ERLIN1: variants seen among roughly 807,000 people sequenced by gnomAD.
ERLIN1 encodes the protein ER lipid raft associated 1.
A neutral mutation model predicts 46.9 loss-of-function variants in ERLIN1; 24 were observed. That is an observed-to-expected ratio of 0.51 (90% CI 0.37 to 0.72). The LOEUF is 0.72. ERLIN1 is among the 30% of genes least tolerant of loss of function. The pLI, the probability that ERLIN1 is intolerant of heterozygous loss-of-function variation, is 0.00. For synonymous variants in ERLIN1, 158 were observed against 143.2 expected (o/e 1.10, Z -0.74); for missense variants, 293 against 417.9 (o/e 0.70, Z 2.61).
Position 100,185,561 on chromosome 10 carries a change from G to C in ERLIN1, c.66C>G (p.Tyr22Ter), listed in dbSNP as rs755701548. The change falls in exon 1 of 11, where the codon TAC becomes TAG. Residue 22 changes from tyrosine to a stop codon, truncating the protein, a stop_gained. Coordinates refer to ENST00000421367, the MANE Select transcript of ERLIN1 (RefSeq NM_006459.4). LOFTEE classifies it high-confidence loss of function. ...CCTCCTCAATCTTGTGGATGGAGGC[G>C]TAGAGCAGGACAGCCACCAACCCCA... ...AVVGLVAVLL[Y>*]ASIHKIEEGH... 1.2e-6 allele frequency: 2 copies of C among 1,613,902 alleles called. No homozygotes were observed.
rs1842810705 is a variant in ERLIN1 at position 100,151,764 on chromosome 10, T to C, written c.*367A>G. ...CTCTTGAATGGTGGCTGAGCATACA[T>C]TTCCCCGGGGGACGAATGTAAACAT... On this transcript the variant is annotated 3_prime_UTR_variant, in exon 11 of 11. Coordinates refer to ENST00000421367, the MANE Select transcript of ERLIN1 (RefSeq NM_006459.4). 6 of 327,292 alleles carry C rather than the reference T, an allele frequency of 1.8e-5. No individual in the cohort carries two copies. The highest frequency in any genetic ancestry group is 1.6e-4 in the South Asian group (6 of 38,168). The allele number at this position is 327,292 out of a possible 1,614,324, so 20.3% of individuals were successfully genotyped here. A position where few individuals can be genotyped will look rare whatever the true frequency, so the allele number is the denominator to read the frequency against.
intron 8 of ERLIN1, among the ~76,000 whole-genome samples, chr10:100,157,996 A>G (rs1843162425): frequency 6.6e-6 from 1 of 152,266 alleles, no homozygotes; most frequent in African/African-American, 2.4e-5. Context: ...GTTGTAAGAA[A>G]GAATGAGAGA....
rs1167453930 is a variant in ERLIN1, at chr10:100,182,905, G to C, written c.195+851C>G. ...CATATGGAAATCAGTCTGATTAGGGGAAGAATACATTTCACTTCAGTAGAC... is the reference window on the plus strand; with the variant it reads ...CATATGGAAATCAGTCTGATTAGGGCAAGAATACATTTCACTTCAGTAGAC... On this transcript the variant is annotated intron_variant, in intron 2 of 10. Coordinates refer to ENST00000421367, the MANE Select transcript of ERLIN1 (RefSeq NM_006459.4). Among the ~76,000 whole-genome samples the C allele has an allele frequency of 1.6e-4, 24 of 152,162 alleles. 1 individual carries two copies. Among genetic ancestry groups the C allele is most frequent in the Non-Finnish European group, 5.9e-5 (4 of 68,014 alleles).
chr10:100,152,952 C>T (rs745571411), intron 10 of ERLIN1, among the ~76,000 whole-genome samples: 1 of 152,058 alleles, frequency 6.6e-6, no homozygotes, highest in Non-Finnish European at 1.5e-5. Flanking sequence ...CTTCTGGGCT[C>T]AAGAGATACT....
intron 2 of ERLIN1, among the ~76,000 whole-genome samples, chr10:100,181,387 T>TATATATATATGGATTTA (rs1844633596): frequency 6.6e-6 from 1 of 152,238 alleles, no homozygotes; most frequent in African/African-American, 2.4e-5. Context: ...ATATGGAATT[T>TATATATATATGGATTTA]CACATTTATA....
chr10:100,181,676 A>G (rs1388865344), intron 2 of ERLIN1, among the ~76,000 whole-genome samples: 1 of 151,980 alleles, frequency 6.6e-6, no homozygotes, highest in African/African-American at 2.4e-5. Context: ...AACCACGCCC[A>G]GCTAATTTTT....
At chr10:100,156,032 C>G in intron 9 of ERLIN1, 113 bp downstream of exon 9, 1 of 652,652 alleles carries the variant, frequency 1.5e-6, no homozygotes, top group Non-Finnish European at 2.8e-6. Context: ...TTCCTCCAGA[C>G]CAGATTATTC....
intron 6 of ERLIN1, among the ~76,000 whole-genome samples, chr10:100,169,944 G>A (rs924039793): frequency 5.3e-5 from 8 of 152,080 alleles, no homozygotes; most frequent in African/African-American, 1.9e-4. Context: ...CTTGAGCCCA[G>A]GAGTTCAAGG....
intron 10 of ERLIN1, 86 bp from the exon 11 acceptor site, chr10:100,152,438 T>C (rs1842857891): frequency 3.8e-6 from 3 of 794,502 alleles, no homozygotes; most frequent in Non-Finnish European, 6.8e-6. Context: ...CACCTATTGC[T>C]CTCCTGAGTA....
At chr10:100,177,811 A>T (rs896521251) in intron 4 of ERLIN1, among the ~76,000 whole-genome samples, 2 of 152,250 alleles carry the variant, frequency 1.3e-5, no homozygotes, top group African/African-American at 4.8e-5. Context: ...CAAGGAATTG[A>T]TCAGTTACAG....
chr10:100,181,258 T>G (rs1844628788), intron 2 of ERLIN1, among the ~76,000 whole-genome samples: 2 of 152,192 alleles, frequency 1.3e-5, no homozygotes, highest in South Asian at 4.1e-4. Flanking sequence ...TTTTATGTCC[T>G]CTTAAAAATT....
chr10:100,171,269 G>A (rs991530616), intron 6 of ERLIN1, among the ~76,000 whole-genome samples: 9 of 151,878 alleles, frequency 5.9e-5, no homozygotes, highest in Non-Finnish European at 1.3e-4. Context: ...AAATGACAAA[G>A]AAAAAATTTG....
intron 7 of ERLIN1, among the ~76,000 whole-genome samples, chr10:100,165,500 C>A (rs546783132): frequency 6.6e-6 from 1 of 151,694 alleles, no homozygotes; most frequent in South Asian, 2.1e-4. Flanking sequence ...CATTCTCCTG[C>A]CTCAGCCTCC....
At position 100,151,464 on chromosome 10, in the gene ERLIN1, T is replaced by G. The variant is rs541637424; in HGVS notation, c.*667A>C. 7.0e-4 allele frequency: 110 copies of G among 157,172 alleles called. 1 individual carries two copies. The highest frequency in any genetic ancestry group is 1.3e-3 in the Non-Finnish European group (93 of 70,612). 9.7% of individuals were successfully genotyped at this position (157,172 alleles called of 1,614,324 possible). A position where few individuals can be genotyped will look rare whatever the true frequency, so the allele number is the denominator to read the frequency against. On this transcript the variant is annotated 3_prime_UTR_variant, in exon 11 of 11. Transcript: ENST00000421367. ...CAAGCCCTCTGTATCTCTGAGTTTA[T>G]GAATACAAGAAACTAGTGATTAGGA...
intron 2 of ERLIN1, among the ~76,000 whole-genome samples, chr10:100,182,482 C>CCA (rs1187062587): frequency 1.3e-5 from 2 of 152,126 alleles, no homozygotes; most frequent in Non-Finnish European, 2.9e-5. Context: ...CAAAGTCATG[C>CCA]CACCAACTGG....
chr10:100,183,914 T>C (rs1844809729), intron 1 of ERLIN1, 77 bp from the exon 2 acceptor site: 1 of 1,024,140 alleles, frequency 9.8e-7, no homozygotes, highest in Non-Finnish European at 1.5e-6. Flanking sequence ...CTATAATAAA[T>C]ACTCACTCTT....
chr10:100,174,908 C>T (rs975339093), intron 5 of ERLIN1, among the ~76,000 whole-genome samples: 2 of 152,190 alleles, frequency 1.3e-5, no homozygotes, highest in African/African-American at 2.4e-5. Flanking sequence ...GGTACTTTCG[C>T]TATTTAAATG....
At chr10:100,174,388 A>C in intron 5 of ERLIN1, 107 bp from the exon 6 acceptor site, 1 of 810,436 alleles carries the variant, frequency 1.2e-6, no homozygotes, top group South Asian at 1.6e-5. Context: ...TTTCCACAGT[A>C]CTATTCTTTT....
chr10:100,185,486 G>T, intron 1 of ERLIN1, 28 bp downstream of exon 1: 1 of 1,527,448 alleles, frequency 6.5e-7, no homozygotes, highest in Non-Finnish European at 9.1e-7. Flanking sequence ...CTGCTCTAGA[G>T]CCCTAACTGA....
Sources: gnomAD v4.1 joint callset for allele counts (sites outside exome capture counted in the v4.1 genomes callset) on GRCh38, gnomAD v4.1.1 for gene constraint, MANE v1.5 for transcripts, NCBI Gene and HGNC (gene_info 2026-07-23, HGNC 2026-07-21) for gene names.